The following ASCC3 variants were observed in gnomAD, a reference collection of about 807,000 sequenced individuals.
ASCC3 encodes the protein activating signal cointegrator 1 complex subunit 3, also known as ASC-1 complex subunit P200.
ASCC3 carries 158 observed loss-of-function variants against 256.3 expected under a neutral mutation model. That is an observed-to-expected ratio of 0.62 (90% CI 0.54 to 0.70). The LOEUF is 0.70. Ranked by LOEUF, ASCC3 falls within the 30% of genes least tolerant of loss-of-function variation. ASCC3 has a pLI of 0.00. For synonymous variants in ASCC3, 948 were observed against 883.4 expected, an observed-to-expected ratio of 1.07 and a Z score of -1.30; for missense variants, 2,259 against 2,626.0, an observed-to-expected ratio of 0.86 and a Z score of 3.05.
intron 8 of ASCC3, among the ~76,000 whole-genome samples, chr6:100,780,781 T>C (rs967446438): frequency 6.6e-6 from 1 of 152,166 alleles, no homozygotes; most frequent in Non-Finnish European, 1.5e-5. Flanking sequence ...CAAAATTGAC[T>C]CAATCACTCA....
chr6:100,774,945 G>C (rs1273659960), intron 8 of ASCC3, among the ~76,000 whole-genome samples: 1 of 152,158 alleles, frequency 6.6e-6, no homozygotes, highest in African/African-American at 2.4e-5. Flanking sequence ...ACAAGAAACA[G>C]GATATTAGAA....
chr6:100,717,525 A>T (rs1384934288), intron 12 of ASCC3, among the ~76,000 whole-genome samples: 1 of 152,070 alleles, frequency 6.6e-6, no homozygotes, highest in East Asian at 1.9e-4. Flanking sequence ...TATAGGTAGT[A>T]CTAATTTTAA....
chr6:100,724,148 C>CAAAAAAAAAAAAAA (rs574759618), intron 11 of ASCC3, among the ~76,000 whole-genome samples: 2 of 126,356 alleles, frequency 1.6e-5, no homozygotes, highest in Admixed American at 8.1e-5. Context: ...TACAAAAAAA[C>CAAAAAAAAAAAAAA]AAAAAAAAAA....
At chr6:100,665,689 G>A (rs913966520) in intron 14 of ASCC3, among the ~76,000 whole-genome samples, 4 of 150,554 alleles carry the variant, frequency 2.7e-5, no homozygotes, top group Admixed American at 6.6e-5. Flanking sequence ...GCAGTGAGCC[G>A]AGATCACATC....
At chr6:100,625,684 TTG>T (rs1774194302) in intron 29 of ASCC3, among the ~76,000 whole-genome samples, 1 of 152,118 alleles carries the variant, frequency 6.6e-6, no homozygotes, top group Non-Finnish European at 1.5e-5. Flanking sequence ...CTGTACTAAG[TTG>T]TGTTTCTCAG....
intron 37 of ASCC3, among the ~76,000 whole-genome samples, chr6:100,538,078 T>C (rs1240517442): frequency 6.6e-6 from 1 of 152,030 alleles, no homozygotes; most frequent in African/African-American, 2.4e-5. Flanking sequence ...AATGAACTGA[T>C]CACGCAATAT....
At chr6:100,663,902 A>T (rs1241015673) in intron 14 of ASCC3, among the ~76,000 whole-genome samples, 3 of 152,112 alleles carry the variant, frequency 2.0e-5, no homozygotes, top group Non-Finnish European at 2.9e-5. Context: ...CTGTGGTTTC[A>T]TATCTTGGAA....
intron 25 of ASCC3, 92 bp from the exon 26 acceptor site, chr6:100,631,305 G>T: frequency 2.1e-6 from 2 of 947,768 alleles, no homozygotes; most frequent in South Asian, 1.4e-5. Context: ...GTCAAAATAT[G>T]ACAGTGTGGT....
intron 37 of ASCC3, among the ~76,000 whole-genome samples, chr6:100,527,352 A>C (rs936821292): frequency 1.3e-5 from 2 of 152,216 alleles, no homozygotes; most frequent in Non-Finnish European, 2.9e-5. Context: ...AAATTTGAAA[A>C]GATTCTACAG....
At chr6:100,737,566 T>C (rs1001598240) in intron 10 of ASCC3, among the ~76,000 whole-genome samples, 2 of 152,212 alleles carry the variant, frequency 1.3e-5, no homozygotes. Flanking sequence ...ATCTCATTCC[T>C]TTTTATGGCT....
intron 37 of ASCC3, among the ~76,000 whole-genome samples, chr6:100,527,103 C>G (rs1774613713): frequency 6.6e-6 from 1 of 152,112 alleles, no homozygotes; most frequent in African/African-American, 2.4e-5. Context: ...ACTCAAGTCA[C>G]CTTAACAGTC....
chr6:100,555,262 T>C (rs1769510952), intron 36 of ASCC3, among the ~76,000 whole-genome samples: 1 of 152,182 alleles, frequency 6.6e-6, no homozygotes, highest in African/African-American at 2.4e-5. Context: ...ATCATGTAAA[T>C]GGTAAAAATA....
intron 39 of ASCC3, among the ~76,000 whole-genome samples, chr6:100,514,076 T>C (rs1773904504): frequency 6.6e-6 from 1 of 152,142 alleles, no homozygotes; most frequent in African/African-American, 2.4e-5. Flanking sequence ...GAAGTAGTCC[T>C]GATGAACCAA....
intron 25 of ASCC3, among the ~76,000 whole-genome samples, chr6:100,635,168 T>C (rs1774780527): frequency 6.6e-6 from 1 of 151,968 alleles, no homozygotes; most frequent in Non-Finnish European, 1.5e-5. Flanking sequence ...TCAAGATAGA[T>C]AAAGAAATTG....
At chr6:100,646,023 A>G (rs1332568500) in intron 22 of ASCC3, among the ~76,000 whole-genome samples, 1 of 152,172 alleles carries the variant, frequency 6.6e-6, no homozygotes. Flanking sequence ...TTAATTTAAG[A>G]GACATCAAGA....
intron 37 of ASCC3, chr6:100,530,852 C>A (rs550244964): frequency 6.3e-6 from 8 of 1,260,908 alleles, no homozygotes; most frequent in African/African-American, 1.5e-5. Context: ...GATTTAAATT[C>A]TTAGACTTAT....
chr6:100,732,064 G>C (rs1339433138), intron 10 of ASCC3, among the ~76,000 whole-genome samples: 1 of 151,870 alleles, frequency 6.6e-6, no homozygotes, highest in Non-Finnish European at 1.5e-5. Flanking sequence ...GGGAGGCTGA[G>C]GCAGGAGAAT....
chr6:100,827,466 A>G (rs1004259666), intron 4 of ASCC3, among the ~76,000 whole-genome samples: 3 of 152,158 alleles, frequency 2.0e-5, no homozygotes, highest in African/African-American at 7.2e-5. Flanking sequence ...CTTATACCCA[A>G]CAATTTTCAT....
At chr6:100,607,904 T>C (rs985683561) in intron 30 of ASCC3, among the ~76,000 whole-genome samples, 1 of 150,128 alleles carries the variant, frequency 6.7e-6, no homozygotes, top group Admixed American at 6.7e-5. Flanking sequence ...GGCTGTTTTA[T>C]AATTTACCTT....
Sources: allele counts gnomAD v4.1 joint callset (sites outside exome capture counted in the v4.1 genomes callset), GRCh38; gene constraint gnomAD v4.1.1; transcripts MANE v1.5; gene names NCBI Gene and HGNC (gene_info 2026-07-23, HGNC 2026-07-21).